Variants in CAPS2 observed in about 807,000 individuals in gnomAD.
The protein encoded by CAPS2 is calcyphosine 2.
A neutral mutation model predicts 86.5 loss-of-function variants in CAPS2; 98 were observed. The ratio of observed to expected loss-of-function variants is 1.13; its 90% CI spans 0.96 to 1.34. CAPS2 has a LOEUF of 1.34. Ranked by LOEUF, CAPS2 falls within the 40% of genes most tolerant of loss-of-function variation. The pLI is 0.00. For synonymous variants in CAPS2, 210 were observed against 225.1 expected (o/e 0.93, Z 0.60); for missense variants, 729 against 686.8 (o/e 1.06, Z -0.69).
rs557745352 is a variant in CAPS2, at chr12:75,347,089, T to C, written c.-394-23867A>G. On this transcript the variant is annotated intron_variant, in intron 1 of 5. Transcript: ENST00000551829. ...CTTTGCAACTAGATAAAAATAAAAA[T>C]TCACCATCCTTACAGCAGGCATCTT... is the stretch of plus-strand genomic sequence containing the variant. Among the ~76,000 whole-genome samples the C allele has an allele frequency of 2.6e-5, 4 of 151,772 alleles. No homozygotes were observed. The South Asian group carries it at 8.3e-4, about 32-fold the overall frequency.
At chr12:75,308,925 G>GT (rs56931681) in intron 7 of CAPS2, among the ~76,000 whole-genome samples, 1 of 130,938 alleles carries the variant, frequency 7.6e-6, no homozygotes, top group African/African-American at 2.9e-5. Context: ...AAAAAAAAAG[G>GT]GGGTAAGGAG....
chr12:75,310,623 C>T (rs964130543), intron 7 of CAPS2, among the ~76,000 whole-genome samples: 32 of 152,112 alleles, frequency 2.1e-4, no homozygotes, highest in African/African-American at 7.5e-4. Context: ...TTGCTATGGC[C>T]TCATTAAAGG....
intron 1 of CAPS2, among the ~76,000 whole-genome samples, chr12:75,365,915 C>A (rs1035917796): frequency 1.1e-4 from 17 of 152,192 alleles, no homozygotes; most frequent in African/African-American, 4.1e-4. Flanking sequence ...AAGCAAAGAT[C>A]ATTCTGTTTT....
intron 1 of CAPS2, among the ~76,000 whole-genome samples, chr12:75,350,282 T>C (rs1428261418): frequency 1.3e-5 from 2 of 152,238 alleles, no homozygotes; most frequent in African/African-American, 2.4e-5. Flanking sequence ...CACAGTATCA[T>C]GGACTGCAAT....
In CAPS2 at chr12:75,320,681, G is replaced by A. The variant is rs972838173; in HGVS notation, c.468+719C>T. Among the ~76,000 whole-genome samples the A allele has an allele frequency of 3.3e-5, 5 of 151,784 alleles. No homozygotes were observed. The East Asian group carries it at 7.7e-4, about 23-fold the overall frequency. ...TGCTAAGCAAATACAACATTAAAACGTCCCTGGAAACACATTACTCTTATA... is the reference window on the plus strand; with the variant it reads ...TGCTAAGCAAATACAACATTAAAACATCCCTGGAAACACATTACTCTTATA... On this transcript the variant is annotated intron_variant, in intron 5 of 16. Transcript: ENST00000393284.
intron 1 of CAPS2, among the ~76,000 whole-genome samples, chr12:75,381,761 T>A (rs1174264613): frequency 6.6e-6 from 1 of 151,762 alleles, no homozygotes; most frequent in Non-Finnish European, 1.5e-5. Context: ...ACTACAGGCA[T>A]GTGTCACCAT....
At chr12:75,342,713 C>T (rs1473517791) in intron 1 of CAPS2, among the ~76,000 whole-genome samples, 17 of 152,082 alleles carry the variant, frequency 1.1e-4, no homozygotes, top group Admixed American at 1.1e-3. Flanking sequence ...CAATTTCCAC[C>T]CCAAAAAAGC....
At chr12:75,345,280 A>T (rs752895643) in intron 1 of CAPS2, among the ~76,000 whole-genome samples, 2 of 152,010 alleles carry the variant, frequency 1.3e-5, no homozygotes, top group East Asian at 3.9e-4. Context: ...TTTTTCTGCA[A>T]ATCTCAGGGG....
At chr12:75,328,708 C>T (rs1207602847), upstream of CAPS2, among the ~76,000 whole-genome samples, 1 of 152,198 alleles carries the variant, frequency 6.6e-6, no homozygotes, top group Non-Finnish European at 1.5e-5. Flanking sequence ...ATGTTTAAAG[C>T]ATTGCATTAT....
intron 1 of CAPS2, among the ~76,000 whole-genome samples, chr12:75,365,680 A>G (rs886155951): frequency 6.6e-6 from 1 of 152,158 alleles, no homozygotes; most frequent in African/African-American, 2.4e-5. Context: ...ATTCTATTAC[A>G]TTTACCTCAT....
intron 1 of CAPS2, among the ~76,000 whole-genome samples, chr12:75,367,462 G>A (rs2044052469): frequency 6.6e-6 from 1 of 151,792 alleles, no homozygotes; most frequent in Non-Finnish European, 1.5e-5. Context: ...ACACACATTA[G>A]CCTAGGCCTA....
intron 1 of CAPS2, among the ~76,000 whole-genome samples, chr12:75,379,919 G>A (rs142712068): frequency 3.4e-4 from 51 of 150,782 alleles, no homozygotes; most frequent in African/African-American, 1.1e-3. Flanking sequence ...GAGACTGAGA[G>A]GTTTCCTAGA....
intron 1 of CAPS2, chr12:75,344,065 G>A: frequency 2.9e-6 from 2 of 679,894 alleles, no homozygotes; most frequent in Non-Finnish European, 4.7e-6. Context: ...TTTATCATAG[G>A]TCTTGAGCAA....
At chr12:75,345,964 A>C (rs1394779214) in intron 1 of CAPS2, among the ~76,000 whole-genome samples, 17 of 152,230 alleles carry the variant, frequency 1.1e-4, no homozygotes, top group Admixed American at 1.1e-3. Flanking sequence ...TTATAAAATC[A>C]ACAACTATAT....
chr12:75,383,697 G>A (rs141862933), intron 1 of CAPS2, among the ~76,000 whole-genome samples: 6 of 152,166 alleles, frequency 3.9e-5, no homozygotes, highest in East Asian at 1.9e-4. Context: ...GTAATAAGAC[G>A]TCTATACATT....
At chr12:75,293,408 A>C (rs773698591) in intron 11 of CAPS2, 41 bp from the exon 12 acceptor site, 6 of 1,194,748 alleles carry the variant, frequency 5.0e-6, no homozygotes, top group Non-Finnish European at 7.4e-6. Context: ...AAAGCATGTA[A>C]GAAATAAAAT....
downstream of CAPS2, chr12:75,276,731 T>C: frequency 4.8e-6 from 4 of 830,910 alleles, no homozygotes; most frequent in Non-Finnish European, 5.8e-6. Context: ...ATAAACAGTA[T>C]GGTTAACTGA....
chr12:75,387,168 A>G (rs1566050460), intron 1 of CAPS2, among the ~76,000 whole-genome samples: 2 of 152,220 alleles, frequency 1.3e-5, no homozygotes, highest in Admixed American at 1.3e-4. Flanking sequence ...TATATGCAAT[A>G]AAAACTATTA....
intron 1 of CAPS2, chr12:75,363,084 T>C: frequency 1.4e-6 from 2 of 1,382,922 alleles, no homozygotes. Flanking sequence ...GGCTAATCAA[T>C]GTTTCTCTTT....
Sources: allele counts gnomAD v4.1 joint callset (sites outside exome capture counted in the v4.1 genomes callset), GRCh38; gene constraint gnomAD v4.1.1; transcripts MANE v1.5; gene names NCBI Gene and HGNC (gene_info 2026-07-23, HGNC 2026-07-21).